Variants in CCDC17 observed in about 807,000 individuals in gnomAD.
CCDC17 encodes coiled-coil domain-containing protein 17.
Under a neutral mutation model 68.0 loss-of-function variants are expected in CCDC17, and 79 were observed. The observed-to-expected ratio is 1.16, with a 90% confidence interval of 0.97 to 1.40. The LOEUF (loss-of-function observed/expected upper bound fraction) is 1.40. Ranked by LOEUF, CCDC17 falls within the 40% of genes most tolerant of loss-of-function variation. CCDC17 has a pLI of 0.00. For synonymous variants in CCDC17, 376 were observed against 337.5 expected, an observed-to-expected ratio of 1.11 and a Z score of -1.25; for missense variants, 846 against 811.5, an observed-to-expected ratio of 1.04 and a Z score of -0.52.
At position 45,621,714 on chromosome 1, in the gene CCDC17, T is replaced by G; in HGVS notation, c.1108A>C (p.Thr370Pro). The change falls in exon 9 of 13, where the codon ACC becomes CCC. Residue 370 changes from threonine (T) to proline (P), a missense_variant. By Grantham distance (38) the Thr-to-Pro change is conservative. Transcript: ENST00000528266. The part of the protein sequence containing the change: ...FSEPQLPGTM[T>P]RNLGLDSHFL... ...TGTGAGTCCAGGCCCAGGTTTCTGG[T>G]CATTGTTCCAGGAAGCTGTGGCTGT... The G allele has an allele frequency of 6.2e-7, 1 of 1,613,662 alleles. No homozygotes were observed.
At position 45,622,741 on chromosome 1, in the gene CCDC17, C is replaced by T. The variant is rs777642978; in HGVS notation, c.740+10G>A. 19 of 1,581,846 alleles carry T rather than the reference C, an allele frequency of 1.2e-5. No homozygotes were observed. The highest frequency in any genetic ancestry group is 1.6e-5 in the Non-Finnish European group (19 of 1,163,606). On this transcript the variant is annotated intron_variant, in intron 5 of 12. Coordinates refer to ENST00000528266, the MANE Select transcript of CCDC17 (RefSeq NM_001114938.3). Reference sequence around the variant, plus strand: ...TTCGCCCTATGCCCATCTCCGGCCCCGGCTCTCACCGGATTTCGGCAGCCA... The same window carrying T: ...TTCGCCCTATGCCCATCTCCGGCCCTGGCTCTCACCGGATTTCGGCAGCCA...
rs1644221757 is a variant in CCDC17, at chr1:45,620,707, G to A, written c.1710+16C>T. 1.9e-6 allele frequency: 3 copies of A among 1,580,138 alleles called. No homozygotes were observed. The highest frequency in any genetic ancestry group is 1.7e-6 in the Non-Finnish European group (2 of 1,162,516). On this transcript the variant is annotated intron_variant, in intron 12 of 12. Transcript: ENST00000528266. ...ATGTGTAGCTGTGGTGTCCCTAGCT[G>A]CAGCTGGGCCCTCACCGGAGGTGGG...
chr1:45,621,600 C>G, intron 9 of CCDC17, 38 bp downstream of exon 9: 1 of 1,607,820 alleles, frequency 6.2e-7, no homozygotes. Context: ...CAGTGCTGGC[C>G]AAGTCACAGA....
At chr1:45,620,695 G>A (rs1033126293) in intron 12 of CCDC17, 28 bp downstream of exon 12, 5 of 1,569,444 alleles carry the variant, frequency 3.2e-6, no homozygotes, top group East Asian at 2.3e-5. Context: ...TGTAGCTGTG[G>A]TGTCCCTAGC....
chr1:45,622,217 G>C (rs746840142), intron 7 of CCDC17, 24 bp downstream of exon 7: 1 of 1,595,452 alleles, frequency 6.3e-7, no homozygotes, highest in Admixed American at 1.7e-5. Context: ...AGTGGGATGG[G>C]ATAGGGTTGG....
Position 45,623,902 on chromosome 1 carries a change from G to A in CCDC17, c.8C>T (p.Ser3Phe). 6.6e-7 allele frequency: 1 copy of A among 1,516,540 alleles called. No individual in the cohort carries two copies. The highest frequency in any genetic ancestry group is 8.8e-7 in the Non-Finnish European group (1 of 1,132,470). 93.9% of individuals were successfully genotyped at this position (1,516,540 alleles called of 1,614,324 possible). A position where few individuals can be genotyped will look rare whatever the true frequency, so the allele number is the denominator to read the frequency against. The change falls in exon 1 of 13, where the codon TCC (serine) becomes TTC (phenylalanine). Residue 3 changes from serine (S) to phenylalanine (F), a missense_variant. Transcript: ENST00000528266. ...CAGGAGCGCAGGCTCCCCAGAGTGG[G>A]AGTCCATGGGATGGGACCCGTTTCC... MD[S>F]HSGEPALLPC...
Position 45,621,717 on chromosome 1 carries a change from T to C in CCDC17, c.1105A>G (p.Met369Val). ...GFSEPQLPGTMTRNLGLDSHF... is the reference protein window; with the variant it reads ...GFSEPQLPGTVTRNLGLDSHF... Reference sequence around the variant, plus strand: ...GAGTCCAGGCCCAGGTTTCTGGTCATTGTTCCAGGAAGCTGTGGCTGTGGG... The same window carrying C: ...GAGTCCAGGCCCAGGTTTCTGGTCACTGTTCCAGGAAGCTGTGGCTGTGGG... The change falls in exon 9 of 13, where the codon ATG (methionine) becomes GTG (valine). Residue 369 changes from methionine to valine, a missense_variant. Physicochemically the swap from Met to Val is conservative, Grantham distance 21. Transcript: ENST00000528266. The C allele has an allele frequency of 1.9e-6, 3 of 1,613,800 alleles. No individual in the cohort carries two copies. Among genetic ancestry groups the C allele is most frequent in the South Asian group, 2.2e-5 (2 of 91,036 alleles).
chr1:45,621,225 G>A (rs946026422), intron 10 of CCDC17, 56 bp downstream of exon 10: 2 of 1,541,648 alleles, frequency 1.3e-6, no homozygotes, highest in Admixed American at 2.0e-5. Context: ...TTAGCAGAAT[G>A]GTGGATAAGC....
In CCDC17 at chr1:45,623,098, T is replaced by G; in HGVS notation, c.513A>C (p.Gln171His). Residue 171 changes from glutamine (Q) to histidine (H), a missense_variant, in exon 4 of 13, where the codon CAA becomes CAC. Transcript: ENST00000528266. Reference protein sequence around the residue: ...LRGEELSRRLQVVACTRGGMS... With the variant: ...LRGEELSRRLHVVACTRGGMS... ...TCCCGCCCCGCGTACAGGCCACAACTTGGAGGCGTCGGCTCAGTTCTGAGG... is the reference window on the plus strand; with the variant it reads ...TCCCGCCCCGCGTACAGGCCACAACGTGGAGGCGTCGGCTCAGTTCTGAGG... 6 of 1,580,246 alleles carry G rather than the reference T, an allele frequency of 3.8e-6. No homozygotes were observed. Among genetic ancestry groups the G allele is most frequent in the Non-Finnish European group, 5.2e-6 (6 of 1,163,568 alleles).
rs1358296749 is a variant in CCDC17, at chr1:45,622,017, T to C, written c.968-22A>G. 3.8e-6 allele frequency: 6 copies of C among 1,580,200 alleles called. No homozygotes were observed. The African/African-American group carries it at 8.1e-5, about 21-fold the overall frequency. On this transcript the variant is annotated intron_variant, in intron 7 of 12. Coordinates refer to ENST00000528266, the MANE Select transcript of CCDC17 (RefSeq NM_001114938.3). Reference sequence around the variant, plus strand: ...GGCCCTAGGAGCAGAAGAGTTAGGGTGCCCCTAAGTTGGACAAAGCAGGTA... The same window carrying C: ...GGCCCTAGGAGCAGAAGAGTTAGGGCGCCCCTAAGTTGGACAAAGCAGGTA...
At position 45,622,668 on chromosome 1, in the gene CCDC17, CT is replaced by C; in HGVS notation, c.741-2del. On this transcript the variant is annotated splice_acceptor_variant, in intron 5 of 12. Transcript: ENST00000528266. LOFTEE classifies it high-confidence loss of function. Reference sequence around the variant, plus strand: ...TCGAATGTAGGCCTCCCGCAGCGCCCTAGGGAGTGGGGAACAGGAAGGCCGT... The same window carrying C: ...TCGAATGTAGGCCTCCCGCAGCGCCCAGGGAGTGGGGAACAGGAAGGCCGT... 1 of 1,554,650 alleles carries C rather than the reference CT, an allele frequency of 6.4e-7. No individual in the cohort carries two copies. Among genetic ancestry groups the C allele is most frequent in the East Asian group, 2.4e-5 (1 of 41,172 alleles).
At chr1:45,623,465 T>G in intron 2 of CCDC17, 26 bp from the exon 3 acceptor site, 1 of 1,549,754 alleles carries the variant, frequency 6.5e-7, no homozygotes, top group African/African-American at 1.4e-5. Flanking sequence ...ATCCGCGATC[T>G]CTGCGTGGGC....
chr1:45,623,494 G>C (rs373392901), intron 2 of CCDC17, 55 bp from the exon 3 acceptor site: 9 of 1,549,090 alleles, frequency 5.8e-6, no homozygotes, highest in African/African-American at 1.4e-5. Flanking sequence ...TCCCAAGTAT[G>C]ATCTACAGGT....
intron 6 of CCDC17, 27 bp from the exon 7 acceptor site, chr1:45,622,375 C>T (rs373923759): frequency 2.0e-5 from 32 of 1,587,652 alleles, no homozygotes; most frequent in Non-Finnish European, 2.7e-5. Context: ...TGACCTGTCA[C>T]CTTTGACCTC....
chr1:45,620,327 T>C lies in CCDC17; in HGVS notation c.1817A>G (p.Asp606Gly), dbSNP rs1238056480. The C allele has an allele frequency of 1.2e-6, 2 of 1,609,646 alleles. No homozygotes were observed. The highest frequency in any genetic ancestry group is 2.2e-5 in the South Asian group (2 of 89,966). The change falls in exon 13 of 13, where the codon GAT (aspartate) becomes GGT (glycine). Residue 606 changes from aspartate (D) to glycine (G), a missense_variant. Physicochemically the swap from Asp to Gly is moderately conservative, Grantham distance 94. Transcript: ENST00000528266. ...ACTGTGGTGAGGGCCCAAACCCTCA[T>C]CTCTATCCTTGACTCCACTGAGGGG... ...EEPLSGVKDR[D>G]EGLGPHHSSD...
intron 10 of CCDC17, 44 bp from the exon 11 acceptor site, chr1:45,621,157 T>A: frequency 6.3e-7 from 1 of 1,595,542 alleles, no homozygotes. Flanking sequence ...AGAGCTACAG[T>A]CCCTTTCTAG....
At position 45,623,796 on chromosome 1, in the gene CCDC17, CG is replaced by C. The variant is rs1488033116; in HGVS notation, c.113del (p.Pro38ArgfsTer5). On this transcript the variant is annotated frameshift_variant, in exon 1 of 13. Coordinates refer to ENST00000528266, the MANE Select transcript of CCDC17 (RefSeq NM_001114938.3). LOFTEE classifies it high-confidence loss of function. ...GTGCTCCAAATGTCATCTCTTGGGT[CG>C]GGTGGCCAATGCAGAAGCGCTGAGT... ...THTQRFCIGH[P>X]TQEMTFGAQA... 1 of 1,551,378 alleles carries C rather than the reference CG, an allele frequency of 6.4e-7. No homozygotes were observed. The highest frequency in any genetic ancestry group is 2.0e-5 in the Admixed American group (1 of 50,944).
rs570621990 is a variant in CCDC17, at chr1:45,621,461, TC to T, written c.1207del (p.Asp403IlefsTer15). ...DPGAGLVIFYDFLRGLEASWI... is the reference protein window; with the variant it reads ...DPGAGLVIFYXFLRGLEASWI... ...GGAAGCCTCAAGGCCCCGCAGGAAATCATAGAAAATGACCAGGCCAGCCCTG... is the reference window on the plus strand; with the variant it reads ...GGAAGCCTCAAGGCCCCGCAGGAAATATAGAAAATGACCAGGCCAGCCCTG... On this transcript the variant is annotated frameshift_variant, in exon 10 of 13. Transcript: ENST00000528266. LOFTEE classifies it high-confidence loss of function. The T allele has an allele frequency of 4.5e-5, 72 of 1,590,986 alleles. No homozygotes were observed. The highest frequency in any genetic ancestry group is 6.0e-5 in the Non-Finnish European group (70 of 1,169,382).
Position 45,623,661 on chromosome 1 carries a change from A to C in CCDC17, c.175-9T>G. The C allele has an allele frequency of 6.4e-7, 1 of 1,551,536 alleles. No individual in the cohort carries two copies. Among genetic ancestry groups the C allele is most frequent in the Admixed American group, 2.0e-5 (1 of 50,996 alleles). On this transcript the variant is annotated splice_polypyrimidine_tract_variant and intron_variant, in intron 1 of 12. Coordinates refer to ENST00000528266, the MANE Select transcript of CCDC17 (RefSeq NM_001114938.3). ...TGTTCTTGTGGCACAACCTGGGGAT[A>C]GGGTGTAGTAGGATGAGGAATCATA... is the stretch of plus-strand genomic sequence containing the variant.
Sources: allele counts gnomAD v4.1 joint callset, GRCh38; gene constraint gnomAD v4.1.1; transcripts MANE v1.5; gene names NCBI Gene and HGNC (gene_info 2026-07-23, HGNC 2026-07-21).